The following ANKRD44 variants were observed in gnomAD, a reference collection of about 807,000 sequenced individuals.
The protein encoded by ANKRD44 is ankyrin repeat domain 44, also known as serine/threonine-protein phosphatase 6 regulatory ankyrin repeat subunit B.
ANKRD44 carries 35 observed loss-of-function variants against 116.0 expected under a neutral mutation model. The ratio of observed to expected loss-of-function variants is 0.30; its 90% CI spans 0.23 to 0.40. ANKRD44 has a LOEUF of 0.40. Among genes scored for constraint, ANKRD44 ranks in the 10% least tolerant of loss-of-function variants. The probability of loss-of-function intolerance (pLI) is 1.00; values close to 1 mark genes in which losing one functional copy is unlikely to be tolerated. For synonymous variants in ANKRD44, 435 were observed against 461.8 expected, an observed-to-expected ratio of 0.94 and a Z score of 0.74; for missense variants, 1,014 against 1,242.6, an observed-to-expected ratio of 0.82 and a Z score of 2.77.
chr2:197,013,024 A>C (rs2076326664), intron 18 of ANKRD44, among the ~76,000 whole-genome samples: 1 of 152,220 alleles, frequency 6.6e-6, no homozygotes, highest in South Asian at 2.1e-4. Context: ...CTTGATTTTT[A>C]CATCGATGTG....
intron 1 of ANKRD44, among the ~76,000 whole-genome samples, chr2:197,247,202 T>A (rs569429192): frequency 6.6e-6 from 1 of 152,308 alleles, no homozygotes; most frequent in African/African-American, 2.4e-5. Flanking sequence ...AAGTCTCATC[T>A]CTGAACATGA....
chr2:197,126,015 T>C lies in ANKRD44; in HGVS notation c.284A>G (p.Lys95Arg). Residue 95 changes from lysine to arginine, a missense_variant, in exon 5 of 28, where the codon AAG becomes AGG. Transcript: ENST00000282272. Reference sequence around the variant, plus strand: ...CCTTGCATTGACATCAGCTGAGTGCTTAATCAAAACCTGTACTGCTTCCTA... The same window carrying C: ...CCTTGCATTGACATCAGCTGAGTGCCTAATCAAAACCTGTACTGCTTCCTA... ...RSEEAVQVLIKHSADVNARDK... is the reference protein window; with the variant it reads ...RSEEAVQVLIRHSADVNARDK... 6.2e-7 allele frequency: 1 copy of C among 1,614,182 alleles called. No individual in the cohort carries two copies. Among genetic ancestry groups the C allele is most frequent in the Non-Finnish European group, 8.5e-7 (1 of 1,180,024 alleles).
At chr2:197,060,179 T>A (rs2077280603) in intron 16 of ANKRD44, among the ~76,000 whole-genome samples, 1 of 152,134 alleles carries the variant, frequency 6.6e-6, no homozygotes, top group South Asian at 2.1e-4. Context: ...CTTGTCATAG[T>A]TATTAACATG....
At chr2:197,068,398 T>TTA (rs2077484949) in intron 16 of ANKRD44, among the ~76,000 whole-genome samples, 4 of 61,416 alleles carry the variant, frequency 6.5e-5, no homozygotes, top group Non-Finnish European at 1.6e-4. Flanking sequence ...AAAAAAAAAA[T>TTA]AAAAATAAAA....
chr2:196,998,394 A>G lies in ANKRD44; in HGVS notation c.2691T>C (p.Ala897=), dbSNP rs780976831. The part of the protein sequence containing the change: ...AVDILVNSAQ[A]DLTVKDKDLN... ...AGTCCTTATCCTTTACAGTCAGATC[A>G]GCCTGGGCACTGTTCACCAAAATAT... Residue 897 remains alanine, a synonymous_variant, in exon 25 of 28, where the codon GCT becomes GCC. Transcript: ENST00000282272. 3.1e-6 allele frequency: 5 copies of G among 1,613,998 alleles called. No individual in the cohort carries two copies. The highest frequency in any genetic ancestry group is 4.2e-6 in the Non-Finnish European group (5 of 1,179,928).
At chr2:197,246,972 C>T (rs1181294814) in intron 1 of ANKRD44, among the ~76,000 whole-genome samples, 1 of 152,144 alleles carries the variant, frequency 6.6e-6, no homozygotes, top group Non-Finnish European at 1.5e-5. Flanking sequence ...TCCAAACATT[C>T]GAGCCTGGCA....
chr2:197,158,242 G>A (rs544737454), intron 2 of ANKRD44, among the ~76,000 whole-genome samples: 181 of 152,298 alleles, frequency 1.2e-3, no homozygotes, highest in African/African-American at 4.3e-3. Context: ...ATTGTTCTAT[G>A]CATGACCCCA....
At position 197,310,754 on chromosome 2, in the gene ANKRD44, G is replaced by T. The variant is rs2084235770; in HGVS notation, c.-150C>A. The T allele has an allele frequency of 1.4e-6, 1 of 718,168 alleles. No individual in the cohort carries two copies. Among genetic ancestry groups the T allele is most frequent in the South Asian group, 3.2e-5 (1 of 31,034 alleles). 44.5% of individuals were successfully genotyped at this position (718,168 alleles called of 1,614,324 possible). ...CTCCCCCTGCTCCTCCTCCGCCGCC[G>T]CCTCCTCCCGCCGAGAGGCTGACAC... On this transcript the variant is annotated 5_prime_UTR_variant, in exon 1 of 28. Transcript: ENST00000282272.
At chr2:196,986,486 A>G (rs138298793), downstream of ANKRD44, among the ~76,000 whole-genome samples, 861 of 152,344 alleles carry the variant, frequency 5.7e-3, 7 homozygotes, top group Non-Finnish European at 8.9e-3. Flanking sequence ...AAACACAAGC[A>G]TATATGTTTG....
chr2:197,122,847 A>T (rs996948342), intron 6 of ANKRD44, 55 bp from the exon 7 acceptor site: 5 of 1,575,522 alleles, frequency 3.2e-6, no homozygotes, highest in African/African-American at 1.4e-5. Context: ...CAATTTGCTG[A>T]TTCATTTCAC....
intron 13 of ANKRD44, among the ~76,000 whole-genome samples, chr2:197,085,314 AC>A (rs1281213649): frequency 2.0e-5 from 3 of 152,176 alleles, no homozygotes; most frequent in African/African-American, 7.2e-5. Flanking sequence ...AGAAAATGAT[AC>A]CCAGTTCTTG....
rs1359040765 is a variant in ANKRD44 at position 197,012,128 on chromosome 2, C to T, written c.1924+1383G>A. Among the ~76,000 whole-genome samples, 8 of 152,188 alleles carry T rather than the reference C, an allele frequency of 5.3e-5. No individual in the cohort carries two copies. In the South Asian group the frequency reaches 6.2e-4, roughly 12 times the overall value. On this transcript the variant is annotated intron_variant, in intron 18 of 27. Transcript: ENST00000282272. ...TGGGTAAGCAGATCCTCAAAGCACA[C>T]GCTAAAGCTTCTGCACAGTAGACAT...
At chr2:197,037,374 T>C (rs1280784081) in intron 16 of ANKRD44, among the ~76,000 whole-genome samples, 2 of 152,214 alleles carry the variant, frequency 1.3e-5, no homozygotes, top group Non-Finnish European at 2.9e-5. Context: ...ATTAAAACAA[T>C]AACACATTCT....
chr2:197,305,573 C>T (rs895506676), intron 1 of ANKRD44, among the ~76,000 whole-genome samples: 13 of 151,474 alleles, frequency 8.6e-5, no homozygotes, highest in African/African-American at 2.9e-4. Context: ...TCTCTGTTTA[C>T]AGCAAAAGAG....
At position 197,256,393 on chromosome 2, in the gene ANKRD44, C is replaced by T. The variant is rs138823630; in HGVS notation, c.27+54185G>A. ...TGAAAGGCCTTTCAACTTTAATGCTCCAAAATTTAGATGTTCTCCATATAC... is the reference window on the plus strand; with the variant it reads ...TGAAAGGCCTTTCAACTTTAATGCTTCAAAATTTAGATGTTCTCCATATAC... On this transcript the variant is annotated intron_variant, in intron 1 of 27. Coordinates refer to ENST00000282272, the MANE Select transcript of ANKRD44 (RefSeq NM_001195144.2). Among the ~76,000 whole-genome samples, 3 of 152,214 alleles carry T rather than the reference C, an allele frequency of 2.0e-5. No homozygotes were observed. The East Asian group carries it at 5.8e-4, about 29-fold the overall frequency.
chr2:197,009,140 G>A lies in ANKRD44; in HGVS notation c.1925-109C>T. On this transcript the variant is annotated intron_variant, in intron 18 of 27. Coordinates refer to ENST00000282272, the MANE Select transcript of ANKRD44 (RefSeq NM_001195144.2). ...TGGAGTCTTGCTCTGTCGCCAGGCT[G>A]GAGTGCAGTGGGGCGATGTCATCTC... is the stretch of plus-strand genomic sequence containing the variant. 3 of 804,832 alleles carry A rather than the reference G, an allele frequency of 3.7e-6. 1 individual carries two copies. Among genetic ancestry groups the A allele is most frequent in the South Asian group, 3.0e-5 (2 of 66,004 alleles). The allele number at this position is 804,832 out of a possible 1,614,324, so 49.9% of individuals were successfully genotyped here. A position where few individuals can be genotyped will look rare whatever the true frequency, so the allele number is the denominator to read the frequency against.
At chr2:197,192,313 A>C (rs182208152) in intron 1 of ANKRD44, among the ~76,000 whole-genome samples, 27 of 152,332 alleles carry the variant, frequency 1.8e-4, no homozygotes, top group African/African-American at 5.8e-4. Context: ...ATTTCATTCT[A>C]GATCCTGGTG....
At chr2:197,108,853 C>T (rs1274579234) in intron 9 of ANKRD44, among the ~76,000 whole-genome samples, 1 of 148,726 alleles carries the variant, frequency 6.7e-6, no homozygotes, top group Non-Finnish European at 1.5e-5. Context: ...ACAACAACAA[C>T]AACAACAACA....
At chr2:197,273,101 G>T (rs1217988954) in intron 1 of ANKRD44, among the ~76,000 whole-genome samples, 1 of 151,934 alleles carries the variant, frequency 6.6e-6, no homozygotes, top group Admixed American at 6.6e-5. Context: ...GACATATTTT[G>T]GGGCCATTGA....
Sources: allele counts gnomAD v4.1 joint callset (sites outside exome capture counted in the v4.1 genomes callset), GRCh38; gene constraint gnomAD v4.1.1; transcripts MANE v1.5; gene names NCBI Gene and HGNC (gene_info 2026-07-23, HGNC 2026-07-21).